Variants in SDK1 observed in about 807,000 individuals in gnomAD.
SDK1 encodes sidekick cell adhesion molecule 1.
SDK1 carries 157 observed loss-of-function variants against 245.5 expected under a neutral mutation model. That is an observed-to-expected ratio of 0.64 (90% CI 0.56 to 0.73). The LOEUF is 0.73. Ranked by LOEUF, SDK1 falls within the 30% of genes least tolerant of loss-of-function variation. The probability of loss-of-function intolerance (pLI) is 0.00; values close to 1 mark genes in which losing one functional copy is unlikely to be tolerated. For synonymous variants in SDK1, 1,647 were observed against 1,278.5 expected (o/e 1.29, Z -6.15); for missense variants, 3,583 against 3,002.3 (o/e 1.19, Z -4.52).
chr7:3,912,253 A>T (rs1366792724), intron 5 of SDK1, among the ~76,000 whole-genome samples: 1 of 152,212 alleles, frequency 6.6e-6, no homozygotes, highest in African/African-American at 2.4e-5. Flanking sequence ...CTTAGGCTAT[A>T]GGAGGAGGAG....
At chr7:4,181,794 T>C (rs1323154027) in intron 35 of SDK1, among the ~76,000 whole-genome samples, 1 of 152,188 alleles carries the variant, frequency 6.6e-6, no homozygotes, top group Non-Finnish European at 1.5e-5. Context: ...ACTGCACTGC[T>C]CACAGAGCTC....
At chr7:3,344,587 T>C (rs959912321) in intron 1 of SDK1, among the ~76,000 whole-genome samples, 4 of 152,298 alleles carry the variant, frequency 2.6e-5, no homozygotes, top group Non-Finnish European at 5.9e-5. Context: ...TTATCATAAA[T>C]AGAAGATACC....
At chr7:3,572,838 C>G (rs532743321) in intron 1 of SDK1, among the ~76,000 whole-genome samples, 5 of 152,122 alleles carry the variant, frequency 3.3e-5, no homozygotes, top group Admixed American at 6.5e-5. Context: ...ATAGAGGGTG[C>G]TATTGAAATG....
At chr7:4,118,341 C>A (rs1329841227) in intron 25 of SDK1, among the ~76,000 whole-genome samples, 1 of 152,176 alleles carries the variant, frequency 6.6e-6, no homozygotes, top group Non-Finnish European at 1.5e-5. Flanking sequence ...ACATCATTAA[C>A]TGTTAGGGAA....
At chr7:3,843,323 A>C (rs1180711983) in intron 5 of SDK1, among the ~76,000 whole-genome samples, 1 of 152,250 alleles carries the variant, frequency 6.6e-6, no homozygotes, top group South Asian at 2.1e-4. Flanking sequence ...TTTGAAGCCA[A>C]GTTGAATCTC....
At chr7:3,716,288 C>G (rs1785199804) in intron 4 of SDK1, among the ~76,000 whole-genome samples, 1 of 151,848 alleles carries the variant, frequency 6.6e-6, no homozygotes, top group Admixed American at 6.6e-5. Flanking sequence ...CTCCACAAGC[C>G]TACAGATTCA....
At chr7:4,049,616 T>C (rs1455481969) in intron 18 of SDK1, among the ~76,000 whole-genome samples, 153 bp downstream of exon 18, 1 of 152,216 alleles carries the variant, frequency 6.6e-6, no homozygotes, top group Admixed American at 6.5e-5. Flanking sequence ...TTATCCAAAG[T>C]CTTGGCATCA....
chr7:4,149,473 G>A lies in SDK1; in HGVS notation c.4625+10G>A. The A allele has an allele frequency of 2.8e-6, 4 of 1,452,184 alleles. No homozygotes were observed. Among genetic ancestry groups the A allele is most frequent in the Non-Finnish European group, 2.7e-6 (3 of 1,097,992 alleles). The allele number at this position is 1,452,184 out of a possible 1,614,324, so 90.0% of individuals were successfully genotyped here. A position where few individuals can be genotyped will look rare whatever the true frequency, so the allele number is the denominator to read the frequency against. On this transcript the variant is annotated intron_variant, in intron 30 of 44. Transcript: ENST00000404826. The stretch of plus-strand genomic sequence containing the variant: ...CATGCGTCGTTGACAGGTACTGAGA[G>A]AGCAGGAGCACCTCCCCGGGGAACG...
chr7:3,976,055 CCACGT>C (rs1782934941), intron 13 of SDK1, among the ~76,000 whole-genome samples: 1 of 968 alleles, frequency 1.0e-3, no homozygotes, highest in Admixed American at 8.9e-3. Flanking sequence ...GCTGAGGCTG[CCACGT>C]AGAGGGTCCT....
intron 5 of SDK1, among the ~76,000 whole-genome samples, chr7:3,834,079 A>C (rs1779976560): frequency 6.6e-6 from 1 of 152,230 alleles, no homozygotes; most frequent in Non-Finnish European, 1.5e-5. Flanking sequence ...TACTGGCATC[A>C]GCCTACACCA....
chr7:3,679,173 C>G (rs530479461), intron 4 of SDK1, among the ~76,000 whole-genome samples: 22 of 152,160 alleles, frequency 1.4e-4, no homozygotes, highest in Admixed American at 2.6e-4. Flanking sequence ...AGGCTGCAAA[C>G]TAGGGGAAAA....
chr7:3,662,757 T>G (rs1783406197), intron 4 of SDK1, among the ~76,000 whole-genome samples: 1 of 152,238 alleles, frequency 6.6e-6, no homozygotes, highest in African/African-American at 2.4e-5. Context: ...TCTGAAAATC[T>G]GAAATTTCAA....
At chr7:3,678,714 T>C (rs1233888852) in intron 4 of SDK1, among the ~76,000 whole-genome samples, 1 of 152,200 alleles carries the variant, frequency 6.6e-6, no homozygotes, top group African/African-American at 2.4e-5. Flanking sequence ...AGTGGTGATA[T>C]GCACAACACT....
At chr7:4,157,195 G>T (rs1042439648) in intron 30 of SDK1, among the ~76,000 whole-genome samples, 1 of 152,024 alleles carries the variant, frequency 6.6e-6, no homozygotes, top group Non-Finnish European at 1.5e-5. Flanking sequence ...CTTAGTCTCA[G>T]GCATGGCATG....
chr7:3,447,979 C>T (rs1330400826), intron 1 of SDK1, among the ~76,000 whole-genome samples: 1 of 152,112 alleles, frequency 6.6e-6, no homozygotes, highest in East Asian at 1.9e-4. Flanking sequence ...GCTGGGATTG[C>T]AGGTGTGAGC....
chr7:3,450,629 T>G (rs1780485464), intron 1 of SDK1, among the ~76,000 whole-genome samples: 2 of 152,192 alleles, frequency 1.3e-5, no homozygotes. Context: ...GTTTTAGACT[T>G]AAATGTTTGG....
At chr7:4,243,835 G>A (rs576028088) in intron 43 of SDK1, among the ~76,000 whole-genome samples, 25 of 152,204 alleles carry the variant, frequency 1.6e-4, no homozygotes, top group African/African-American at 6.0e-4. Flanking sequence ...GTCTGGGCAG[G>A]GACACCTGAG....
chr7:3,393,144 G>A (rs562859703), intron 1 of SDK1, among the ~76,000 whole-genome samples: 109 of 151,540 alleles, frequency 7.2e-4, no homozygotes, highest in Admixed American at 3.0e-3. Context: ...CTAATTTTTT[G>A]TATTTTTAGT....
At chr7:4,071,379 G>A (rs1780247267) in intron 20 of SDK1, among the ~76,000 whole-genome samples, 1 of 152,324 alleles carries the variant, frequency 6.6e-6, no homozygotes, top group Admixed American at 6.5e-5. Flanking sequence ...CCTTCCAGAA[G>A]CTTATCTTTT....
Sources: allele counts gnomAD v4.1 joint callset (sites outside exome capture counted in the v4.1 genomes callset), GRCh38; gene constraint gnomAD v4.1.1; transcripts MANE v1.5; gene names NCBI Gene and HGNC (gene_info 2026-07-23, HGNC 2026-07-21).